PLCD4: variants seen among roughly 807,000 people sequenced by gnomAD.
The protein encoded by PLCD4 is 1-phosphatidylinositol 4,5-bisphosphate phosphodiesterase delta-4.
Under a neutral mutation model 90.2 loss-of-function variants are expected in PLCD4, and 63 were observed. The observed-to-expected ratio is 0.70, with a 90% CI of 0.57 to 0.86. The LOEUF (loss-of-function observed/expected upper bound fraction) is 0.86, where lower values mean the gene tolerates loss of function less well. Among genes scored for constraint, PLCD4 ranks in the 40% least tolerant of loss-of-function variants. The pLI is 0.00. For missense variants in PLCD4, 830 were observed against 956.3 expected (o/e 0.87, Z 1.74); for synonymous variants, 294 against 356.5 (o/e 0.82, Z 1.97).
intron 6 of PLCD4, among the ~76,000 whole-genome samples, chr2:218,623,684 A>G (rs747818168): frequency 6.6e-6 from 1 of 151,332 alleles, no homozygotes; most frequent in Non-Finnish European, 1.5e-5. Flanking sequence ...TCCTTTTTCT[A>G]TTTTTTTGTT....
chr2:218,637,162 A>G lies in PLCD4; in HGVS notation c.*585A>G. The G allele has an allele frequency of 3.8e-6, 1 of 262,496 alleles. No homozygotes were observed. The highest frequency in any genetic ancestry group is 7.6e-6 in the Non-Finnish European group (1 of 131,958). 16.3% of individuals were successfully genotyped at this position (262,496 alleles called of 1,614,324 possible). A position where few individuals can be genotyped will look rare whatever the true frequency, so the allele number is the denominator to read the frequency against. ...CCTCCTTAGCCCCACTGGTATAAAT[A>G]CATCTCTCTCCAATTTGGCTTCAAT... On this transcript the variant is annotated 3_prime_UTR_variant, in exon 16 of 16. Transcript: ENST00000450993.
intron 1 of PLCD4, 66 bp from the exon 2 acceptor site, chr2:218,615,641 C>A (rs998573417): frequency 1.4e-6 from 2 of 1,394,548 alleles, no homozygotes; most frequent in Non-Finnish European, 1.9e-6. Flanking sequence ...AAATTAGAAG[C>A]AAAAATCAGC....
At chr2:218,625,761 C>A (rs1696088989) in intron 6 of PLCD4, among the ~76,000 whole-genome samples, 1 of 152,090 alleles carries the variant, frequency 6.6e-6, no homozygotes, top group Non-Finnish European at 1.5e-5. Flanking sequence ...TGGTGAAACC[C>A]CTTCTCTACT....
chr2:218,626,259 A>C (rs79590939), intron 6 of PLCD4, among the ~76,000 whole-genome samples: 5 of 20,854 alleles, frequency 2.4e-4, no homozygotes, highest in African/African-American at 7.6e-4. Flanking sequence ...TCTGTCTCCC[A>C]AAAAAAAAAA....
intron 5 of PLCD4, among the ~76,000 whole-genome samples, chr2:218,621,802 G>A (rs368495556): frequency 1.2e-4 from 19 of 152,200 alleles, no homozygotes; most frequent in African/African-American, 3.6e-4. Context: ...TAATTCGGCC[G>A]GGCGCAGTGG....
intron 2 of PLCD4, 64 bp downstream of exon 2, chr2:218,615,825 T>C: frequency 6.2e-7 from 1 of 1,601,574 alleles, no homozygotes; most frequent in South Asian, 1.1e-5. Flanking sequence ...GGGAAGGAGG[T>C]TGGACCCCTG....
chr2:218,611,787 CGGG>C (rs1695346854), intron 1 of PLCD4, among the ~76,000 whole-genome samples: 1 of 151,792 alleles, frequency 6.6e-6, no homozygotes. Context: ...TTAATAGAGA[CGGG>C]GTTTCACTAT....
chr2:218,628,482 A>G (rs756885484), intron 7 of PLCD4: 5 of 427,448 alleles, frequency 1.2e-5, no homozygotes, highest in Admixed American at 7.1e-5. Context: ...TGACAGATTT[A>G]TATTTAACAA....
chr2:218,630,866 C>T, intron 9 of PLCD4, 64 bp downstream of exon 9: 1 of 1,490,634 alleles, frequency 6.7e-7, no homozygotes, highest in Non-Finnish European at 9.0e-7. Flanking sequence ...ACCTGGGCTC[C>T]TTCCTCTATG....
intron 3 of PLCD4, among the ~76,000 whole-genome samples, chr2:218,616,939 G>T (rs59754729): frequency 0.1 from 2,073 of 20,502 alleles, 6 homozygotes; most frequent in South Asian, 0.13. Context: ...GAGAGAGAGA[G>T]AGAGAGAGAG....
intron 9 of PLCD4, among the ~76,000 whole-genome samples, chr2:218,631,888 G>A (rs1696392228): frequency 6.6e-6 from 1 of 151,930 alleles, no homozygotes; most frequent in African/African-American, 2.4e-5. Context: ...AATCTATAAC[G>A]AGTATTTACT....
In PLCD4 at chr2:218,621,462, A is replaced by G; in HGVS notation, c.411-8A>G. On this transcript the variant is annotated splice_region_variant and splice_polypyrimidine_tract_variant and intron_variant, in intron 4 of 15. Coordinates refer to ENST00000450993, the MANE Select transcript of PLCD4 (RefSeq NM_032726.4). ...TACATTAGTGCTTTTGCCTTGACTC[A>G]TACCTGGATGGCTGAGCGATTGGTT... The G allele has an allele frequency of 6.2e-7, 1 of 1,613,872 alleles. No individual in the cohort carries two copies. The highest frequency in any genetic ancestry group is 8.5e-7 in the Non-Finnish European group (1 of 1,179,780).
Position 218,622,759 on chromosome 2 carries a change from A to C in PLCD4, c.653A>C (p.Asp218Ala). The change falls in exon 6 of 16, where the codon GAT (aspartate) becomes GCT (alanine). Residue 218 changes from aspartate to alanine, a missense_variant. By Grantham distance (126) the Asp-to-Ala change is moderately radical (BLOSUM62 -2). Coordinates refer to ENST00000450993, the MANE Select transcript of PLCD4 (RefSeq NM_032726.4). ...VQELFESFSA[D>A]GQKLTLLEFL... ...GAACTGTTTGAAAGTTTTTCAGCTG[A>C]TGGGCAGAAGCTGACTCTGCTGGAA... 1 of 1,613,962 alleles carries C rather than the reference A, an allele frequency of 6.2e-7. No homozygotes were observed.
chr2:218,618,820 T>A lies in PLCD4; in HGVS notation c.410+13T>A, dbSNP rs1278150474. ...AGCGCCTGGACCAGTATCGGCAGGA[T>A]GGAGTCAGGGTGGGGGTGAGGGATC... On this transcript the variant is annotated intron_variant, in intron 4 of 15. Coordinates refer to ENST00000450993, the MANE Select transcript of PLCD4 (RefSeq NM_032726.4). The A allele has an allele frequency of 6.4e-7, 1 of 1,568,128 alleles. No individual in the cohort carries two copies. Among genetic ancestry groups the A allele is most frequent in the African/African-American group, 1.4e-5 (1 of 74,020 alleles).
intron 3 of PLCD4, among the ~76,000 whole-genome samples, chr2:218,617,446 G>A (rs926233343): frequency 6.6e-6 from 1 of 151,314 alleles, no homozygotes; most frequent in African/African-American, 2.4e-5. Context: ...GCTTGGTGGC[G>A]CGCACCTGTA....
chr2:218,636,163 T>A, intron 14 of PLCD4, 80 bp from the exon 15 acceptor site: 1 of 1,485,396 alleles, frequency 6.7e-7, no homozygotes. Flanking sequence ...CCATCTAGAT[T>A]AAATGAGAAC....
At chr2:218,630,604 AGT>A (rs1696318865) in intron 8 of PLCD4, 44 bp from the exon 9 acceptor site, 12 of 1,612,256 alleles carry the variant, frequency 7.4e-6, no homozygotes, top group Non-Finnish European at 1.0e-5. Flanking sequence ...AGTAGGTTGC[AGT>A]GTTTTAGAAC....
chr2:218,619,145 A>T (rs1695760718), intron 4 of PLCD4, among the ~76,000 whole-genome samples: 1 of 152,100 alleles, frequency 6.6e-6, no homozygotes, highest in Non-Finnish European at 1.5e-5. Context: ...ACCTCTTAGA[A>T]GGCTCAGTGA....
chr2:218,612,292 A>G (rs1695374602), intron 1 of PLCD4, among the ~76,000 whole-genome samples: 1 of 152,246 alleles, frequency 6.6e-6, no homozygotes, highest in Non-Finnish European at 1.5e-5. Context: ...AAAAGCAGAG[A>G]TGATTTTCTG....
Sources: gnomAD v4.1 joint callset for allele counts (sites outside exome capture counted in the v4.1 genomes callset) on GRCh38, gnomAD v4.1.1 for gene constraint, MANE v1.5 for transcripts, NCBI Gene and HGNC (gene_info 2026-07-23, HGNC 2026-07-21) for gene names.